The following STAU1 variants were observed in gnomAD, a reference collection of about 807,000 sequenced individuals.
STAU1 encodes double-stranded RNA-binding protein Staufen homolog 1.
In STAU1, 13 loss-of-function variants were observed where a neutral mutation model predicts 62.9. The observed-to-expected ratio is 0.21, with a 90% CI of 0.13 to 0.33. STAU1 has a LOEUF of 0.33. STAU1 is among the 10% of genes least tolerant of loss of function. STAU1 has a pLI of 1.00. For synonymous variants in STAU1, 269 were observed against 265.1 expected, an observed-to-expected ratio of 1.01 and a Z score of -0.14; for missense variants, 571 against 712.1, an observed-to-expected ratio of 0.80 and a Z score of 2.25.
rs6066970 is a variant in STAU1 at position 49,114,894 on chromosome 20, C to T, written c.1719-1G>A. ...AGAAAAGGTTCAGCACCTCCCACACCTTTAAGGAAGAAAAATGAAAATGAC... is the reference window on the plus strand; with the variant it reads ...AGAAAAGGTTCAGCACCTCCCACACTTTTAAGGAAGAAAAATGAAAATGAC... On this transcript the variant is annotated splice_acceptor_variant, in intron 13 of 13. Coordinates refer to ENST00000371856, the MANE Select transcript of STAU1 (RefSeq NM_017453.4). LOFTEE classifies it high-confidence loss of function. 1 of 1,613,300 alleles carries T rather than the reference C, an allele frequency of 6.2e-7. No individual in the cohort carries two copies. Among genetic ancestry groups the T allele is most frequent in the Middle Eastern group, 1.6e-4 (1 of 6,062 alleles).
intron 2 of STAU1, among the ~76,000 whole-genome samples, chr20:49,167,663 C>T (rs942722191): frequency 5.3e-5 from 8 of 152,184 alleles, no homozygotes; most frequent in Non-Finnish European, 8.8e-5. Context: ...AAGTCCAGAA[C>T]CATTCAGAAG....
rs908077586 is a variant in STAU1, at chr20:49,135,914, G to T, written c.528C>A (p.Ser176=). 5 of 1,613,058 alleles carry T rather than the reference G, an allele frequency of 3.1e-6. No homozygotes were observed. Among genetic ancestry groups the T allele is most frequent in the Admixed American group, 1.7e-5 (1 of 59,872 alleles). ...PERLEVNGRE[S]EEENLNKSEI... is the part of the protein sequence containing the mutation. The stretch of plus-strand genomic sequence containing the variant: ...CAGATTTATTGAGATTTTCTTCTTC[G>T]GATTCTCTTCCATTCACCTGTAAGA... Residue 176 remains serine (S), a synonymous_variant, in exon 6 of 14, where the codon TCC becomes TCA. Coordinates refer to ENST00000371856, the MANE Select transcript of STAU1 (RefSeq NM_017453.4).
At chr20:49,155,730 T>A (rs1600767850) in intron 3 of STAU1, among the ~76,000 whole-genome samples, 1 of 152,232 alleles carries the variant, frequency 6.6e-6, no homozygotes, top group East Asian at 1.9e-4. Context: ...GAATTATATT[T>A]TTTACAAAAT....
chr20:49,124,387 T>G lies in STAU1; in HGVS notation c.810A>C (p.Lys270Asn), dbSNP rs765249242. The change falls in exon 7 of 14, where the codon AAA becomes AAC. Residue 270 changes from lysine (K) to asparagine (N), a missense_variant. Lys to Asn is a moderately conservative substitution (Grantham distance 94). Coordinates refer to ENST00000371856, the MANE Select transcript of STAU1 (RefSeq NM_017453.4). ...RVKPRIKKKT[K>N]PIVKPQTSPE... is the part of the protein sequence containing the mutation. ...GAAAAGTTCTCACCTTGACTATGGG[T>G]TTTGTTTTCTTTTTGATTCTAGGCT... 6.2e-7 allele frequency: 1 copy of G among 1,613,796 alleles called. No individual in the cohort carries two copies. Among genetic ancestry groups the G allele is most frequent in the Admixed American group, 1.7e-5 (1 of 59,892 alleles).
At chr20:49,147,105 G>GT (rs1425882662) in intron 5 of STAU1, among the ~76,000 whole-genome samples, 1 of 152,184 alleles carries the variant, frequency 6.6e-6, no homozygotes, top group Non-Finnish European at 1.5e-5. Flanking sequence ...CTGATCTTTA[G>GT]TATCAGCCGA....
At chr20:49,145,222 G>A (rs899914788) in intron 5 of STAU1, among the ~76,000 whole-genome samples, 4 of 151,670 alleles carry the variant, frequency 2.6e-5, no homozygotes, top group Non-Finnish European at 5.9e-5. Flanking sequence ...TCAGGAGTTC[G>A]AGATGAGCCT....
At chr20:49,161,453 T>C (rs1201210424) in intron 3 of STAU1, among the ~76,000 whole-genome samples, 2 of 152,236 alleles carry the variant, frequency 1.3e-5, no homozygotes, top group Non-Finnish European at 2.9e-5. Context: ...GACAACCTCA[T>C]CAGTTTGAAA....
chr20:49,153,938 G>A lies in STAU1; in HGVS notation c.339C>T (p.Pro113=). The change falls in exon 4 of 14, where the codon CCC becomes CCT. Residue 113 remains proline (P), a synonymous_variant. Coordinates refer to ENST00000371856, the MANE Select transcript of STAU1 (RefSeq NM_017453.4). ...YNYNMRGGAY[P]PRYFYPFPVP... is the part of the protein sequence containing the mutation. ...AAAAAAAAAAAAACACATACCTCGG[G>A]GGATAAGCACCTCCTCTCATGTTGT... The A allele has an allele frequency of 6.3e-7, 1 of 1,584,278 alleles. No homozygotes were observed. The highest frequency in any genetic ancestry group is 8.5e-7 in the Non-Finnish European group (1 of 1,172,184).
intron 1 of STAU1, among the ~76,000 whole-genome samples, chr20:49,174,566 A>C (rs2093635613): frequency 6.6e-6 from 1 of 151,990 alleles, no homozygotes; most frequent in African/African-American, 2.4e-5. Flanking sequence ...CTAAAAATAC[A>C]AAAATTAGGC....
At chr20:49,115,686 A>ATATT in intron 13 of STAU1, 96 bp downstream of exon 13, 1 of 1,104,422 alleles carries the variant, frequency 9.1e-7, no homozygotes, top group Non-Finnish European at 1.4e-6. Context: ...ACTCAGGCAA[A>ATATT]TATTTCCCCG....
chr20:49,136,759 G>A (rs1398507866), intron 5 of STAU1, among the ~76,000 whole-genome samples: 8 of 151,898 alleles, frequency 5.3e-5, no homozygotes, highest in African/African-American at 1.2e-4. Flanking sequence ...GTGCAGTGGC[G>A]CGATTTTGGC....
chr20:49,126,609 TAAA>T (rs2092631633), intron 6 of STAU1, among the ~76,000 whole-genome samples: 1 of 34,526 alleles, frequency 2.9e-5, no homozygotes, highest in Admixed American at 2.1e-4. Context: ...CAAAAAAACT[TAAA>T]AATCTAACCG....
At chr20:49,142,999 C>T (rs1419171827) in intron 5 of STAU1, among the ~76,000 whole-genome samples, 1 of 151,976 alleles carries the variant, frequency 6.6e-6, no homozygotes, top group East Asian at 1.9e-4. Context: ...TGAGGTCTCT[C>T]CATCTTGTCC....
In STAU1 at chr20:49,184,241, T is replaced by C. The variant is rs376413657; in HGVS notation, c.-160+3875A>G. Among the ~76,000 whole-genome samples, 21 of 152,226 alleles carry C rather than the reference T, an allele frequency of 1.4e-4. No homozygotes were observed. In the East Asian group the frequency reaches 2.3e-3, roughly 17 times the overall value. ...GTTGCAGTAAGCCGAGACTGCACCATTGCACTGCAGCCTGGGTGACAAGAG... is the reference window on the plus strand; with the variant it reads ...GTTGCAGTAAGCCGAGACTGCACCACTGCACTGCAGCCTGGGTGACAAGAG... On this transcript the variant is annotated intron_variant, in intron 1 of 13. Coordinates refer to ENST00000371856, the MANE Select transcript of STAU1 (RefSeq NM_017453.4).
intron 1 of STAU1, among the ~76,000 whole-genome samples, chr20:49,180,865 C>G (rs1417961888): frequency 1.3e-5 from 2 of 152,118 alleles, no homozygotes; most frequent in Non-Finnish European, 2.9e-5. Context: ...CAAAATTCAT[C>G]CTAGCTGCTG....
the STAU1 span, among the ~76,000 whole-genome samples, chr20:49,218,712 AT>A: frequency 0.31 from 47,274 of 151,530 alleles, 8,185 homozygotes; most frequent in African/African-American, 0.45. Context: ...TTCTTCTGAG[AT>A]TTTTTTTCCC....
chr20:49,205,182 C>T, the STAU1 span, among the ~76,000 whole-genome samples: 1 of 152,174 alleles, frequency 6.6e-6, no homozygotes, highest in East Asian at 1.9e-4. Context: ...AACGTATTTT[C>T]GTATTATACT....
At chr20:49,115,963 G>C (rs2145805232) in intron 12 of STAU1, 96 bp from the exon 13 acceptor site, 1 of 956,352 alleles carries the variant, frequency 1.0e-6, no homozygotes, top group African/African-American at 1.6e-5. Context: ...CTGCTGCCCA[G>C]CAAACAGGTG....
intron 5 of STAU1, among the ~76,000 whole-genome samples, chr20:49,141,752 G>A (rs1361791990): frequency 6.6e-6 from 1 of 151,850 alleles, no homozygotes; most frequent in South Asian, 2.1e-4. Context: ...GAAAGTAGCC[G>A]GGTGAGACTC....
Sources: allele counts gnomAD v4.1 joint callset (sites outside exome capture counted in the v4.1 genomes callset), GRCh38; gene constraint gnomAD v4.1.1; transcripts MANE v1.5; gene names NCBI Gene and HGNC (gene_info 2026-07-23, HGNC 2026-07-21).